The following POM121C variants were observed in gnomAD, a reference collection of about 807,000 sequenced individuals.
The protein encoded by POM121C is nuclear envelope pore membrane protein POM 121C.
In POM121C, 20 loss-of-function variants were observed where a neutral mutation model predicts 66.4. The ratio of observed to expected loss-of-function variants is 0.30; its 90% CI spans 0.21 to 0.44. The LOEUF (loss-of-function observed/expected upper bound fraction) is 0.44. Ranked by LOEUF, POM121C falls within the 20% of genes least tolerant of loss-of-function variation. The probability of loss-of-function intolerance (pLI) is 1.00; values close to 1 mark genes in which losing one functional copy is unlikely to be tolerated. For synonymous variants in POM121C, 286 were observed against 528.0 expected (o/e 0.54, Z 6.28); for missense variants, 580 against 1,225.7 (o/e 0.47, Z 7.87).
Position 75,421,602 on chromosome 7 carries a change from C to A in POM121C, c.2650G>T (p.Gly884Cys). ...STATSTPFTG[G>C]LGQNALGTTG... ...GTGCCCAGGGCGTTCTGACCTAAGC[C>A]CCCTGTGAAGGGGGTGGAGGTGGCT... Residue 884 changes from glycine to cysteine, a missense_variant, in exon 13 of 15, where the codon GGC (glycine) becomes TGC (cysteine). Physicochemically the swap from Gly to Cys is radical, Grantham distance 159. Transcript: ENST00000615331. The A allele has an allele frequency of 3.7e-6, 6 of 1,613,474 alleles. No individual in the cohort carries two copies. The highest frequency in any genetic ancestry group is 5.1e-6 in the Non-Finnish European group (6 of 1,179,792).
chr7:75,473,609 G>A (rs1196056818), intron 3 of POM121C, among the ~76,000 whole-genome samples: 1 of 152,052 alleles, frequency 6.6e-6, no homozygotes, highest in Non-Finnish European at 1.5e-5. Flanking sequence ...ACGAGGTTTT[G>A]GTATCTGAAT....
At chr7:75,433,513 G>A (rs1361251784) in intron 7 of POM121C, among the ~76,000 whole-genome samples, 8 of 151,676 alleles carry the variant, frequency 5.3e-5, no homozygotes, top group African/African-American at 7.3e-5. Context: ...CCGCCACCAC[G>A]CCCAGCTAAT....
intron 7 of POM121C, among the ~76,000 whole-genome samples, chr7:75,436,626 T>C (rs1372404145): frequency 6.6e-6 from 1 of 152,230 alleles, no homozygotes; most frequent in African/African-American, 2.4e-5. Flanking sequence ...TCTTTTTGTC[T>C]GGCTGCTGTA....
Position 75,442,298 on chromosome 7 carries a change from T to A in POM121C, c.-151-651A>T, listed in dbSNP as rs782561581. The A allele has an allele frequency of 6.4e-5, 93 of 1,443,652 alleles. No homozygotes were observed. In the Middle Eastern group the frequency reaches 1.2e-3, roughly 19 times the overall value. 89.4% of individuals were successfully genotyped at this position (1,443,652 alleles called of 1,614,324 possible). A position where few individuals can be genotyped will look rare whatever the true frequency, so the allele number is the denominator to read the frequency against. On this transcript the variant is annotated intron_variant, in intron 3 of 14. Transcript: ENST00000615331. The stretch of plus-strand genomic sequence containing the variant: ...AGGCCTATTCCGCAGGTCCTGGCCC[T>A]CCGGAGCGGGGGCGGGCTGCGGCGG...
intron 3 of POM121C, among the ~76,000 whole-genome samples, chr7:75,468,235 A>G (rs1245220082): frequency 6.6e-6 from 1 of 151,164 alleles, no homozygotes; most frequent in Non-Finnish European, 1.5e-5. Flanking sequence ...CCAGTCGGAG[A>G]CAAACTATAC....
intron 6 of POM121C, among the ~76,000 whole-genome samples, chr7:75,438,923 G>T (rs1336192901): frequency 6.6e-6 from 1 of 152,158 alleles, no homozygotes; most frequent in Non-Finnish European, 1.5e-5. Flanking sequence ...AAAACCTCTA[G>T]TCTCAGCATA....
chr7:75,428,953 A>G (rs1370397328), intron 7 of POM121C, among the ~76,000 whole-genome samples: 2 of 96,696 alleles, frequency 2.1e-5, no homozygotes, highest in African/African-American at 3.4e-5. Flanking sequence ...TCTTCAAGGA[A>G]AAAAAAAAAA....
At chr7:75,471,591 G>C (rs587725476) in intron 3 of POM121C, among the ~76,000 whole-genome samples, 3 of 152,088 alleles carry the variant, frequency 2.0e-5, no homozygotes, top group African/African-American at 7.2e-5. Flanking sequence ...ACACGGCGCC[G>C]AGTTGAGCAG....
intron 7 of POM121C, among the ~76,000 whole-genome samples, chr7:75,427,702 C>T (rs1197638617): frequency 2.6e-5 from 4 of 152,092 alleles, no homozygotes; most frequent in Non-Finnish European, 5.9e-5. Flanking sequence ...CACCTCAGAC[C>T]GTCTTTCCTA....
At chr7:75,479,569 T>C (rs587732049) in intron 1 of POM121C, among the ~76,000 whole-genome samples, 1 of 146,872 alleles carries the variant, frequency 6.8e-6, no homozygotes, top group South Asian at 2.1e-4. Flanking sequence ...TGGGCCAAGA[T>C]AGCACCCCTG....
intron 3 of POM121C, among the ~76,000 whole-genome samples, chr7:75,466,072 T>C (rs1419092100): frequency 6.6e-6 from 1 of 151,328 alleles, no homozygotes; most frequent in African/African-American, 2.4e-5. Flanking sequence ...TTCAATGAGC[T>C]GTGATTGCAC....
At chr7:75,479,539 C>G (rs587739647) in intron 1 of POM121C, among the ~76,000 whole-genome samples, 1 of 146,836 alleles carries the variant, frequency 6.8e-6, no homozygotes, top group East Asian at 2.0e-4. Flanking sequence ...TCACTTGAAC[C>G]CAGGAGGCAG....
At chr7:75,436,353 A>G (rs1209086341) in intron 7 of POM121C, among the ~76,000 whole-genome samples, 1 of 152,218 alleles carries the variant, frequency 6.6e-6, no homozygotes, top group African/African-American at 2.4e-5. Flanking sequence ...GTGGGCAAAA[A>G]GCAATGAAGC....
At chr7:75,474,510 A>G (rs1306820333) in intron 3 of POM121C, among the ~76,000 whole-genome samples, 194 bp downstream of exon 3, 2 of 152,234 alleles carry the variant, frequency 1.3e-5, no homozygotes, top group Non-Finnish European at 2.9e-5. Flanking sequence ...TATAGGTTAG[A>G]ATGAAAAAAT....
intron 1 of POM121C, among the ~76,000 whole-genome samples, chr7:75,479,024 G>A (rs1355386918): frequency 2.7e-5 from 4 of 149,554 alleles, no homozygotes; most frequent in Non-Finnish European, 5.9e-5. Context: ...TATATATAGG[G>A]GAACAAACAT....
chr7:75,418,852 T>G lies in POM121C; in HGVS notation c.2908A>C (p.Thr970Pro). The change falls in exon 15 of 15, where the codon ACC becomes CCC. Residue 970 changes from threonine (T) to proline (P), a missense_variant. Thr to Pro is a conservative substitution (Grantham distance 38). Coordinates refer to ENST00000615331, the MANE Select transcript of POM121C (RefSeq NM_001099415.3). ...PSFSIGAGSK[T>P]PGARQRLQAR... Reference sequence around the variant, plus strand: ...TGCAGTCGCTGTCGAGCCCCTGGGGTCTTGGATCCCGCACCAATGGAAAAT... The same window carrying G: ...TGCAGTCGCTGTCGAGCCCCTGGGGGCTTGGATCCCGCACCAATGGAAAAT... The G allele has an allele frequency of 6.2e-7, 1 of 1,611,780 alleles. No individual in the cohort carries two copies. The highest frequency in any genetic ancestry group is 2.2e-5 in the East Asian group (1 of 44,860).
At chr7:75,436,416 C>A (rs1455139403) in intron 7 of POM121C, among the ~76,000 whole-genome samples, 3 of 152,128 alleles carry the variant, frequency 2.0e-5, no homozygotes, top group African/African-American at 7.2e-5. Flanking sequence ...GCCAGTTTGG[C>A]TCCCATAGTC....
intron 7 of POM121C, among the ~76,000 whole-genome samples, chr7:75,434,496 C>G (rs191211157): frequency 2.7e-4 from 41 of 151,372 alleles, no homozygotes; most frequent in Middle Eastern, 3.5e-3. Context: ...AGGCTGGTCT[C>G]AAACTCCTGA....
intron 3 of POM121C, among the ~76,000 whole-genome samples, chr7:75,466,894 TA>T (rs1264173555): frequency 1.3e-5 from 2 of 152,318 alleles, no homozygotes; most frequent in African/African-American, 4.8e-5. Flanking sequence ...TCATTTTTTA[TA>T]AGTGGGAAAA....
Sources: gnomAD v4.1 joint callset for allele counts (sites outside exome capture counted in the v4.1 genomes callset) on GRCh38, gnomAD v4.1.1 for gene constraint, MANE v1.5 for transcripts, NCBI Gene and HGNC (gene_info 2026-07-23, HGNC 2026-07-21) for gene names.